RAB3C: variants seen among roughly 807,000 people sequenced by gnomAD.
RAB3C encodes the protein RAB3C, member RAS oncogene family.
RAB3C carries 17 observed loss-of-function variants against 26.4 expected under a neutral mutation model. The ratio of observed to expected loss-of-function variants is 0.64; its 90% confidence interval spans 0.44 to 0.97. The LOEUF (loss-of-function observed/expected upper bound fraction) is 0.97. Among genes scored for constraint, RAB3C ranks in the 50% least tolerant of loss-of-function variants. The pLI is 0.00. For synonymous variants in RAB3C, 91 were observed against 95.9 expected (o/e 0.95, Z 0.30); for missense variants, 242 against 281.9 (o/e 0.86, Z 1.01).
chr5:58,749,687 G>A (rs918354186), intron 3 of RAB3C, among the ~76,000 whole-genome samples: 2 of 152,118 alleles, frequency 1.3e-5, no homozygotes, highest in Non-Finnish European at 2.9e-5. Flanking sequence ...GTAATGGTTT[G>A]TCATATTAAA....
At chr5:58,620,511 A>G (rs1358547301) in intron 2 of RAB3C, among the ~76,000 whole-genome samples, 2 of 152,216 alleles carry the variant, frequency 1.3e-5, no homozygotes, top group African/African-American at 2.4e-5. Flanking sequence ...TCTATAAGCA[A>G]ATATCAAATT....
At chr5:58,644,837 C>T (rs547605533) in intron 2 of RAB3C, among the ~76,000 whole-genome samples, 1 of 152,252 alleles carries the variant, frequency 6.6e-6, no homozygotes, top group African/African-American at 2.4e-5. Flanking sequence ...CTATCTTTTT[C>T]CCATCCCTAA....
intron 3 of RAB3C, among the ~76,000 whole-genome samples, chr5:58,747,391 T>C (rs991679718): frequency 6.6e-6 from 1 of 152,170 alleles, no homozygotes; most frequent in Non-Finnish European, 1.5e-5. Flanking sequence ...GTCCTCTATT[T>C]TATTTGGTTA....
chr5:58,649,329 C>T (rs1026157874), intron 2 of RAB3C, among the ~76,000 whole-genome samples: 3 of 152,090 alleles, frequency 2.0e-5, no homozygotes, highest in African/African-American at 2.4e-5. Context: ...TGACATAGCA[C>T]GTCAGCATCT....
In RAB3C at chr5:58,692,007, G is replaced by A. The variant is rs553378174; in HGVS notation, c.253-33995G>A. Among the ~76,000 whole-genome samples the A allele has an allele frequency of 2.6e-5, 4 of 152,262 alleles. No individual in the cohort carries two copies. In the South Asian group the frequency reaches 6.2e-4, roughly 24 times the overall value. On this transcript the variant is annotated intron_variant, in intron 2 of 4. Coordinates refer to ENST00000282878, the MANE Select transcript of RAB3C (RefSeq NM_138453.4). ...ACTTCAGCTAAAGCAATAAAGTGAC[G>A]CTTTTTCTTCAAGGTCAGAACACCC...
At chr5:58,715,252 A>G (rs1749147012) in intron 2 of RAB3C, among the ~76,000 whole-genome samples, 1 of 151,752 alleles carries the variant, frequency 6.6e-6, no homozygotes, top group African/African-American at 2.4e-5. Context: ...TCTTGAAGAT[A>G]CTACTAGCCT....
intron 3 of RAB3C, among the ~76,000 whole-genome samples, chr5:58,817,998 T>A (rs2112048631): frequency 6.6e-6 from 1 of 152,310 alleles, no homozygotes; most frequent in East Asian, 1.9e-4. Flanking sequence ...GGGCCTGCTA[T>A]TAAGATCTGT....
intron 2 of RAB3C, among the ~76,000 whole-genome samples, chr5:58,704,282 A>G (rs1748903037): frequency 6.6e-6 from 1 of 152,216 alleles, no homozygotes; most frequent in Non-Finnish European, 1.5e-5. Context: ...TAATTATGAA[A>G]ACTACAGAGC....
At chr5:58,603,344 A>G (rs1414058565) in intron 1 of RAB3C, among the ~76,000 whole-genome samples, 1 of 152,060 alleles carries the variant, frequency 6.6e-6, no homozygotes, top group Non-Finnish European at 1.5e-5. Flanking sequence ...CGCTTCTTGT[A>G]TTTGAATGTC....
chr5:58,750,484 A>G (rs1046649215), intron 3 of RAB3C, among the ~76,000 whole-genome samples: 4 of 152,232 alleles, frequency 2.6e-5, no homozygotes, highest in Non-Finnish European at 5.9e-5. Flanking sequence ...CTGCTTAAGA[A>G]TCAGCTGAGG....
intron 3 of RAB3C, among the ~76,000 whole-genome samples, chr5:58,773,580 C>G (rs1055017336): frequency 6.6e-6 from 1 of 151,988 alleles, no homozygotes; most frequent in Non-Finnish European, 1.5e-5. Flanking sequence ...GAGTAAATAC[C>G]AACATTTTGG....
At chr5:58,835,001 T>C (rs1295124358) in intron 4 of RAB3C, among the ~76,000 whole-genome samples, 2 of 152,210 alleles carry the variant, frequency 1.3e-5, no homozygotes, top group Non-Finnish European at 2.9e-5. Context: ...CAGTCCTGTT[T>C]ATGTTCATTT....
chr5:58,590,309 C>T (rs1247010772), intron 1 of RAB3C, among the ~76,000 whole-genome samples: 1 of 152,088 alleles, frequency 6.6e-6, no homozygotes, highest in Non-Finnish European at 1.5e-5. Context: ...GTGATATCCC[C>T]TTTCTTTCCT....
At chr5:58,612,532 A>ATATG (rs1554044134) in intron 1 of RAB3C, among the ~76,000 whole-genome samples, 11 of 87,188 alleles carry the variant, frequency 1.3e-4, no homozygotes, top group African/African-American at 3.8e-4. Flanking sequence ...ATATATATAT[A>ATATG]TATATATATA....
At chr5:58,596,250 G>C (rs190292981) in intron 1 of RAB3C, among the ~76,000 whole-genome samples, 32 of 151,904 alleles carry the variant, frequency 2.1e-4, no homozygotes, top group Admixed American at 5.3e-4. Flanking sequence ...GCCTTTCCAG[G>C]TTCTGCCAGG....
intron 2 of RAB3C, among the ~76,000 whole-genome samples, chr5:58,654,930 G>A (rs1294911302): frequency 6.6e-6 from 1 of 152,132 alleles, no homozygotes; most frequent in East Asian, 1.9e-4. Flanking sequence ...GAGACAAACA[G>A]TAAGTGATGA....
intron 4 of RAB3C, among the ~76,000 whole-genome samples, chr5:58,844,823 G>A (rs1743953748): frequency 6.6e-6 from 1 of 152,124 alleles, no homozygotes; most frequent in Admixed American, 6.5e-5. Context: ...AATATCACTT[G>A]TGATTTTTCT....
chr5:58,630,844 G>A (rs1747172902), intron 2 of RAB3C, among the ~76,000 whole-genome samples: 1 of 152,160 alleles, frequency 6.6e-6, no homozygotes, highest in South Asian at 2.1e-4. Flanking sequence ...AGCAGTGTTG[G>A]CATTTATCAC....
chr5:58,797,125 T>A (rs1742673657), intron 3 of RAB3C, among the ~76,000 whole-genome samples: 2 of 151,744 alleles, frequency 1.3e-5, no homozygotes, highest in African/African-American at 4.8e-5. Flanking sequence ...AGTAATGAAT[T>A]CAAGCTAAAT....
Sources: gnomAD v4.1 joint callset for allele counts (sites outside exome capture counted in the v4.1 genomes callset) on GRCh38, gnomAD v4.1.1 for gene constraint, MANE v1.5 for transcripts, NCBI Gene and HGNC (gene_info 2026-07-23, HGNC 2026-07-21) for gene names.